The following DMD variants were observed in gnomAD, a reference collection of about 807,000 sequenced individuals.
DMD encodes the protein mutant dystrophin.
In DMD, 63 loss-of-function variants were observed where a neutral mutation model predicts 330.1. That is an observed-to-expected ratio of 0.19 (90% CI 0.16 to 0.24). The LOEUF (loss-of-function observed/expected upper bound fraction) is 0.24, where lower values mean the gene tolerates loss of function less well. Ranked by LOEUF, DMD falls within the 10% of genes least tolerant of loss-of-function variation. DMD has a pLI of 1.00. For missense variants in DMD, 3,344 were observed against 2,684.1 expected, an observed-to-expected ratio of 1.25 and a Z score of -5.43; for synonymous variants, 1,223 against 959.8, an observed-to-expected ratio of 1.27 and a Z score of -5.07.
intron 7 of DMD, among the ~76,000 whole-genome samples, chrX:32,800,471 T>A (rs1382520979): frequency 8.9e-6 from 1 of 112,088 alleles, no homozygotes; most frequent in Non-Finnish European, 1.9e-5. Flanking sequence ...GTGGTTTCCC[T>A]AACACAATGG....
chrX:33,304,260 T>C (rs949729076), intron 1 of DMD, among the ~76,000 whole-genome samples: 33 of 110,527 alleles, frequency 3.0e-4, no homozygotes, highest in African/African-American at 9.8e-4. Context: ...GAAATAATGC[T>C]GCATATCTAC....
At chrX:31,559,234 T>C (rs1212437134) in intron 55 of DMD, among the ~76,000 whole-genome samples, 1 of 111,825 alleles carries the variant, frequency 8.9e-6, no homozygotes, top group Non-Finnish European at 1.9e-5. Context: ...GCTGGGTTGC[T>C]GGATCTGTGT....
chrX:31,995,510 A>T (rs2095579063), intron 44 of DMD, among the ~76,000 whole-genome samples: 1 of 112,062 alleles, frequency 8.9e-6, no homozygotes, highest in African/African-American at 3.2e-5. Flanking sequence ...TTTATGGCAC[A>T]TCTTTGGAAA....
intron 2 of DMD, among the ~76,000 whole-genome samples, chrX:33,009,470 G>A (rs552487517): frequency 1.2e-4 from 10 of 81,630 alleles, no homozygotes; most frequent in Middle Eastern, 8.3e-3. Context: ...ACACATATGT[G>A]TGTATGTGTA....
chrX:32,156,305 G>A (rs180981618), intron 44 of DMD, among the ~76,000 whole-genome samples: 252 of 111,893 alleles, frequency 2.3e-3, no homozygotes, highest in African/African-American at 6.9e-3. Flanking sequence ...TTTTGAACCC[G>A]GGAGGCAGTG....
At chrX:31,158,785 G>A (rs1019965782) in intron 74 of DMD, among the ~76,000 whole-genome samples, 6 of 111,843 alleles carry the variant, frequency 5.4e-5, no homozygotes, top group African/African-American at 1.9e-4. Context: ...GAAAAATCAA[G>A]GTTTAACCCA....
intron 42 of DMD, among the ~76,000 whole-genome samples, chrX:32,291,493 T>C (rs2097468536): frequency 8.9e-6 from 1 of 112,052 alleles, no homozygotes; most frequent in South Asian, 3.7e-4. Context: ...TTGAATCAAG[T>C]ATCTAGTTGC....
intron 6 of DMD, among the ~76,000 whole-genome samples, chrX:32,812,431 G>A (rs966770411): frequency 2.7e-5 from 3 of 111,646 alleles, no homozygotes; most frequent in African/African-American, 9.8e-5. Context: ...CCAGGATTTC[G>A]AGACCAGCCT....
At chrX:33,045,341 A>ACACACACACACACACAC (rs1569551363) in intron 1 of DMD, among the ~76,000 whole-genome samples, 1 of 21,266 alleles carries the variant, frequency 4.7e-5, no homozygotes, top group Non-Finnish European at 1.1e-4. Flanking sequence ...CACACACACA[A>ACACACACACACACACAC]GTATTTCGTG....
At chrX:32,344,256 T>C (rs1245657483) in intron 39 of DMD, among the ~76,000 whole-genome samples, 1 of 111,771 alleles carries the variant, frequency 8.9e-6, no homozygotes, top group Non-Finnish European at 1.9e-5. Flanking sequence ...ATAATAAATA[T>C]CAGGGAATTT....
rs961393966 is a variant in DMD, at chrX:33,336,521, T to C, written c.7+2738A>G. On this transcript the variant is annotated intron_variant, in intron 1 of 17. Coordinates refer to the DMD transcript ENST00000288447. ...ATCACAAAAAGAGAAATAAGGGAGATTTTTTTACTTAAAAAATAATGATGC... is the reference window on the plus strand; with the variant it reads ...ATCACAAAAAGAGAAATAAGGGAGACTTTTTTACTTAAAAAATAATGATGC... 2.7e-5 allele frequency among the ~76,000 whole-genome samples: 3 copies of C among 110,617 alleles called. No individual in the cohort carries two copies. In the Admixed American group the frequency reaches 2.9e-4, roughly 11 times the overall value.
rs193034175 is a variant in DMD, at chrX:31,650,181, T to C, written c.8027+7809A>G. ...TGTTGCCCAGGCTGGTCTCAAACTCTTGGCCTCTAGTGATCCTCCCACCCC... is the reference window on the plus strand; with the variant it reads ...TGTTGCCCAGGCTGGTCTCAAACTCCTGGCCTCTAGTGATCCTCCCACCCC... On this transcript the variant is annotated intron_variant, in intron 54 of 78. Coordinates refer to ENST00000357033, the MANE Select transcript of DMD (RefSeq NM_004006.3). 9.5e-5 allele frequency among the ~76,000 whole-genome samples: 10 copies of C among 104,843 alleles called. No homozygotes were observed. The East Asian group carries it at 3.0e-3, about 32-fold the overall frequency. The allele number at this position is 104,843 out of a possible 115,157, so 91.0% of individuals were successfully genotyped here.
chrX:32,948,450 A>G (rs1372360959), intron 2 of DMD, among the ~76,000 whole-genome samples: 4 of 112,037 alleles, frequency 3.6e-5, no homozygotes, highest in Admixed American at 1.9e-4. Flanking sequence ...AATAAGAGGA[A>G]CCGGCATTTC....
chrX:31,861,642 G>GTC, intron 48 of DMD, among the ~76,000 whole-genome samples: 1 of 91,575 alleles, frequency 1.1e-5, no homozygotes, highest in Non-Finnish European at 2.1e-5. Flanking sequence ...AATCACCTGT[G>GTC]TGTGTGTGTG....
intron 7 of DMD, among the ~76,000 whole-genome samples, chrX:32,708,113 C>A (rs1350312846): frequency 9.0e-6 from 1 of 111,601 alleles, no homozygotes; most frequent in Non-Finnish European, 1.9e-5. Context: ...ATACTTGATA[C>A]ACAGTGAGGC....
At chrX:31,922,000 T>C (rs906799381) in intron 47 of DMD, among the ~76,000 whole-genome samples, 1 of 111,960 alleles carries the variant, frequency 8.9e-6, no homozygotes, top group African/African-American at 3.3e-5. Flanking sequence ...ATAGCCCTTG[T>C]TACAGTTTTT....
intron 55 of DMD, among the ~76,000 whole-genome samples, chrX:31,571,059 A>T (rs2075784124): frequency 8.9e-6 from 1 of 111,930 alleles, no homozygotes; most frequent in Non-Finnish European, 1.9e-5. Flanking sequence ...AATGTTAAAC[A>T]GACTCATGCC....
intron 1 of DMD, among the ~76,000 whole-genome samples, chrX:33,273,198 G>A (rs1212464927): frequency 8.9e-6 from 1 of 112,137 alleles, no homozygotes; most frequent in Non-Finnish European, 1.9e-5. Flanking sequence ...GTTGTAACAT[G>A]TTCTGGACTT....
At chrX:32,166,798 G>A (rs900409916) in intron 44 of DMD, among the ~76,000 whole-genome samples, 1 of 111,494 alleles carries the variant, frequency 9.0e-6, no homozygotes, top group Admixed American at 9.6e-5. Context: ...CACATTCCTT[G>A]GCAGTACTTA....
Sources: gnomAD v4.1 joint callset for allele counts (sites outside exome capture counted in the v4.1 genomes callset) on GRCh38, gnomAD v4.1.1 for gene constraint, MANE v1.5 for transcripts, NCBI Gene and HGNC (gene_info 2026-07-23, HGNC 2026-07-21) for gene names.